The following MTMR3 variants were observed in gnomAD, a reference collection of about 807,000 sequenced individuals.
MTMR3 encodes myotubularin related protein 3.
Under a neutral mutation model 132.4 loss-of-function variants are expected in MTMR3, and 32 were observed. That is an observed-to-expected ratio of 0.24 (90% CI 0.18 to 0.32). The LOEUF is 0.32. MTMR3 is among the 10% of genes least tolerant of loss of function. MTMR3 has a pLI of 1.00. For synonymous variants in MTMR3, 556 were observed against 550.3 expected (o/e 1.01, Z -0.14); for missense variants, 1,216 against 1,489.6 (o/e 0.82, Z 3.02).
At chr22:29,995,698 A>G (rs2067047241) in intron 7 of MTMR3, 1 of 152,246 alleles carries the variant, frequency 6.6e-6, no homozygotes, top group East Asian at 1.9e-4. Context: ...AAGTTGGGAT[A>G]TCACAATGTA....
chr22:29,930,738 C>T (rs925906234), intron 1 of MTMR3, among the ~76,000 whole-genome samples: 1 of 151,398 alleles, frequency 6.6e-6, no homozygotes, highest in Non-Finnish European at 1.5e-5. Context: ...CAGTGGCTTA[C>T]GCTTGTAATT....
chr22:30,008,917 A>C, intron 11 of MTMR3, 101 bp from the exon 12 acceptor site: 2 of 729,648 alleles, frequency 2.7e-6, no homozygotes, highest in Non-Finnish European at 4.9e-6. Context: ...GTTAATCAGA[A>C]GCTGCAGTGG....
At chr22:29,946,021 T>TTG (rs57792760) in intron 1 of MTMR3, among the ~76,000 whole-genome samples, 7,211 of 150,850 alleles carry the variant, frequency 0.048, 566 homozygotes, top group African/African-American at 0.16. Flanking sequence ...GTGTATATAT[T>TTG]TGTGTGTGTG....
At chr22:29,996,708 T>C (rs2145918044) in intron 7 of MTMR3, 1 of 152,252 alleles carries the variant, frequency 6.6e-6, no homozygotes, top group African/African-American at 2.4e-5. Context: ...TGTCTGTTTT[T>C]TTTGTTCGTT....
chr22:30,019,743 A>C lies in MTMR3; in HGVS notation c.2084A>C (p.Glu695Ala), dbSNP rs767891853. The change falls in exon 17 of 20, where the codon GAG (glutamate) becomes GCG (alanine). Residue 695 changes from glutamate (E) to alanine (A), a missense_variant. Transcript: ENST00000401950. ...AEGQMENILQ[E>A]ATKEESGVEE... ...GGGCAGATGGAGAACATCTTGCAGG[A>C]GGCCACCAAAGAGGAGAGTGGAGTA... The C allele has an allele frequency of 6.2e-7, 1 of 1,614,206 alleles. No homozygotes were observed. The highest frequency in any genetic ancestry group is 1.1e-5 in the South Asian group (1 of 91,090).
In MTMR3 at chr22:29,979,053, G is replaced by T; in HGVS notation, c.210+1G>T. 1 of 1,577,446 alleles carries T rather than the reference G, an allele frequency of 6.3e-7. No homozygotes were observed. The highest frequency in any genetic ancestry group is 8.7e-7 in the Non-Finnish European group (1 of 1,146,578). On this transcript the variant is annotated splice_donor_variant, in intron 5 of 19. Coordinates refer to ENST00000401950, the MANE Select transcript of MTMR3 (RefSeq NM_021090.4). LOFTEE classifies it high-confidence loss of function. ...CAAGTTCAAGGAGTCTCTTGTTAAT[G>T]TAAGTGATTACCAGCTGTTCTCCCT...
At chr22:29,979,205 T>C (rs1314595881) in intron 5 of MTMR3, 153 bp downstream of exon 5, 11 of 585,010 alleles carry the variant, frequency 1.9e-5, no homozygotes, top group Non-Finnish European at 3.0e-5. Flanking sequence ...CAAGGAACAC[T>C]GGCTTGGCCA....
intron 1 of MTMR3, among the ~76,000 whole-genome samples, chr22:29,936,837 A>C (rs955277507): frequency 2.0e-5 from 3 of 152,146 alleles, no homozygotes; most frequent in Non-Finnish European, 4.4e-5. Flanking sequence ...TAAGTGAATT[A>C]ATTTCTTTGA....
rs148256253 is a variant in MTMR3 at position 30,029,622 on chromosome 22, A to G, written c.*3821A>G. On this transcript the variant is annotated 3_prime_UTR_variant, in exon 20 of 20. Transcript: ENST00000401950. ...GAAGTTAACTCTAGCCCTGACCTCT[A>G]TTGATCTTTTGGGAATGAGGGCTGA... The G allele has an allele frequency of 7.7e-4, 117 of 152,390 alleles. No homozygotes were observed. The highest frequency in any genetic ancestry group is 2.7e-3 in the African/African-American group (114 of 41,536). The allele number at this position is 152,390 out of a possible 1,614,324, so 9.4% of individuals were successfully genotyped here. A position where few individuals can be genotyped will look rare whatever the true frequency, so the allele number is the denominator to read the frequency against.
intron 1 of MTMR3, among the ~76,000 whole-genome samples, chr22:29,927,761 A>G (rs1206533826): frequency 2.6e-5 from 4 of 152,222 alleles, no homozygotes; most frequent in Non-Finnish European, 5.9e-5. Context: ...AGGGAGGAAA[A>G]TGTATTATAT....
intron 2 of MTMR3, among the ~76,000 whole-genome samples, chr22:29,969,571 CTGGGCTGGA>C: frequency 6.6e-6 from 1 of 152,116 alleles, no homozygotes; most frequent in African/African-American, 2.4e-5. Context: ...ACACTGTCAC[CTGGGCTGGA>C]TGTGCAATGG....
intron 7 of MTMR3, chr22:29,996,660 T>C (rs945711772): frequency 4.6e-5 from 7 of 152,216 alleles, no homozygotes; most frequent in African/African-American, 1.2e-4. Context: ...GCCACAGTTT[T>C]GCAGCTTTTA....
intron 1 of MTMR3, among the ~76,000 whole-genome samples, chr22:29,929,049 A>G (rs36586): frequency 0.79 from 120,461 of 151,976 alleles, 48,298 homozygotes; most frequent in East Asian, 0.92. Context: ...GGAGGCCAAG[A>G]TAGGTGGATC....
intron 2 of MTMR3, among the ~76,000 whole-genome samples, chr22:29,963,762 GATGGAC>G (rs2066360496): frequency 6.6e-6 from 1 of 151,502 alleles, no homozygotes; most frequent in Non-Finnish European, 1.5e-5. Context: ...TCCATCTGTT[GATGGAC>G]ATTTGGTTTC....
At chr22:29,966,726 C>CGT (rs55960706) in intron 2 of MTMR3, among the ~76,000 whole-genome samples, 3,807 of 142,856 alleles carry the variant, frequency 0.027, 55 homozygotes, top group Middle Eastern at 0.094. Flanking sequence ...TAGGGGTGTG[C>CGT]GTGTGTGTGT....
At chr22:29,949,615 G>T (rs1048959653) in intron 1 of MTMR3, among the ~76,000 whole-genome samples, 1 of 150,930 alleles carries the variant, frequency 6.6e-6, no homozygotes, top group African/African-American at 2.4e-5. Flanking sequence ...TGTTGAGTAC[G>T]TGAGAATAGG....
In MTMR3 at chr22:30,012,417, C is replaced by T. The variant is rs1381663059; in HGVS notation, c.1171C>T (p.Leu391Phe). The T allele has an allele frequency of 6.2e-7, 1 of 1,614,160 alleles. No homozygotes were observed. Among genetic ancestry groups the T allele is most frequent in the Admixed American group, 1.7e-5 (1 of 60,026 alleles). ...AAAATGGCTCCATCACTTGTCTGTGCTTCTGAAATCAGCGCTTCTGGTAGT... is the reference window on the plus strand; with the variant it reads ...AAAATGGCTCCATCACTTGTCTGTGTTTCTGAAATCAGCGCTTCTGGTAGT... Reference protein sequence around the residue: ...STKWLHHLSVLLKSALLVVHA... With the variant: ...STKWLHHLSVFLKSALLVVHA... Residue 391 changes from leucine (L) to phenylalanine (F), a missense_variant, in exon 13 of 20, where the codon CTT becomes TTT. By Grantham distance (22) the Leu-to-Phe change is conservative (BLOSUM62 0). Transcript: ENST00000401950.
rs114049110 is a variant in MTMR3 at position 29,885,511 on chromosome 22, T to C, written c.-138+2152T>C. Among the ~76,000 whole-genome samples the C allele has an allele frequency of 6.7e-3, 1,024 of 152,306 alleles. 17 individuals carry two copies. The highest frequency in any genetic ancestry group is 0.024 in the African/African-American group (985 of 41,560). ...ATTAGATGCTGATTAATTGGAGATA[T>C]ACTGTATCCAGAGATATATTGAAGG... is the stretch of plus-strand genomic sequence containing the variant. On this transcript the variant is annotated intron_variant, in intron 1 of 19. Coordinates refer to ENST00000401950, the MANE Select transcript of MTMR3 (RefSeq NM_021090.4).
intron 18 of MTMR3, 42 bp from the exon 19 acceptor site, chr22:30,022,567 G>A (rs2067791933): frequency 6.5e-7 from 1 of 1,549,892 alleles, no homozygotes; most frequent in Non-Finnish European, 8.9e-7. Flanking sequence ...CCAGCTGGAT[G>A]GCCCATCTCC....
Sources: gnomAD v4.1 joint callset for allele counts (sites outside exome capture counted in the v4.1 genomes callset) on GRCh38, gnomAD v4.1.1 for gene constraint, MANE v1.5 for transcripts, NCBI Gene and HGNC (gene_info 2026-07-23, HGNC 2026-07-21) for gene names.